RALGPS1: variants seen among roughly 807,000 people sequenced by gnomAD.
RALGPS1 encodes ras-specific guanine nucleotide-releasing factor RalGPS1.
A neutral mutation model predicts 78.8 loss-of-function variants in RALGPS1; 19 were observed. That is an observed-to-expected ratio of 0.24 (90% CI 0.17 to 0.35). The LOEUF (loss-of-function observed/expected upper bound fraction) is 0.35. Among genes scored for constraint, RALGPS1 ranks in the 10% least tolerant of loss-of-function variants. The pLI is 1.00. For missense variants in RALGPS1, 454 were observed against 688.3 expected (o/e 0.66, Z 3.81); for synonymous variants, 228 against 256.3 (o/e 0.89, Z 1.06).
chr9:127,110,315 C>T (rs925419605), intron 8 of RALGPS1, among the ~76,000 whole-genome samples: 1 of 152,158 alleles, frequency 6.6e-6, no homozygotes, highest in Non-Finnish European at 1.5e-5. Flanking sequence ...CAGTTGGGCT[C>T]CCTTCTTGAC....
chr9:127,141,616 CAAAAAAA>C (rs61291398), intron 8 of RALGPS1, among the ~76,000 whole-genome samples: 964 of 68,712 alleles, frequency 0.014, 9 homozygotes, highest in African/African-American at 0.03. Context: ...TTTTTAATGG[CAAAAAAA>C]AAAAAAAAAA....
chr9:127,104,760 G>A (rs1402823642), intron 8 of RALGPS1, among the ~76,000 whole-genome samples: 9 of 152,236 alleles, frequency 5.9e-5, no homozygotes, highest in Admixed American at 5.9e-4. Flanking sequence ...GAAGAAAAGA[G>A]CACATGGCTC....
chr9:127,060,653 T>C (rs943058464), intron 7 of RALGPS1, among the ~76,000 whole-genome samples: 14 of 152,196 alleles, frequency 9.2e-5, no homozygotes, highest in African/African-American at 3.1e-4. Flanking sequence ...CTCTTTCAGC[T>C]GGTCCCATTG....
intron 8 of RALGPS1, among the ~76,000 whole-genome samples, chr9:127,162,946 G>A (rs2139499846): frequency 6.6e-6 from 1 of 152,334 alleles, no homozygotes; most frequent in East Asian, 1.9e-4. Context: ...CCTTGGGCAG[G>A]TTTCTTAATC....
intron 14 of RALGPS1, chr9:127,210,558 A>G (rs1588583997): frequency 1.5e-6 from 1 of 646,646 alleles, no homozygotes; most frequent in South Asian, 1.8e-5. Context: ...GAGGCTGGGG[A>G]GGAGTTGGGG....
intron 7 of RALGPS1, among the ~76,000 whole-genome samples, chr9:127,062,652 G>A (rs1247792305): frequency 2.6e-5 from 4 of 152,234 alleles, no homozygotes; most frequent in Admixed American, 1.3e-4. Context: ...TTGCCTTTCC[G>A]TAGACAGGAA....
intron 8 of RALGPS1, among the ~76,000 whole-genome samples, chr9:127,070,872 A>G (rs2050134871): frequency 6.6e-6 from 1 of 151,756 alleles, no homozygotes; most frequent in African/African-American, 2.4e-5. Flanking sequence ...TTAATTAAAA[A>G]TTAATTAGAA....
At chr9:127,142,164 C>G (rs145124870) in intron 8 of RALGPS1, among the ~76,000 whole-genome samples, 48 of 152,270 alleles carry the variant, frequency 3.2e-4, no homozygotes, top group Admixed American at 1.3e-3. Flanking sequence ...CTAGATGCCT[C>G]GTCACATCAT....
rs78440054 is a variant in RALGPS1, at chr9:127,140,330, C to T, written c.611-25739C>T. Among the ~76,000 whole-genome samples, 821 of 152,324 alleles carry T rather than the reference C, an allele frequency of 5.4e-3. 24 individuals carry two copies. In the East Asian group the frequency reaches 0.085, roughly 16 times the overall value. On this transcript the variant is annotated intron_variant, in intron 8 of 18. Coordinates refer to ENST00000259351, the MANE Select transcript of RALGPS1 (RefSeq NM_014636.3). Reference sequence around the variant, plus strand: ...CCCAGACCCCAGAGCCGTCCGGGCACTTGTGTAAAATGATAGCTCTGATTA... The same window carrying T: ...CCCAGACCCCAGAGCCGTCCGGGCATTTGTGTAAAATGATAGCTCTGATTA...
At chr9:127,195,004 GC>G in intron 11 of RALGPS1, 86 bp from the exon 12 acceptor site, 2 of 1,521,912 alleles carry the variant, frequency 1.3e-6, no homozygotes, top group Non-Finnish European at 9.0e-7. Flanking sequence ...CAAACCCGGG[GC>G]CCACCTCCAC....
chr9:127,012,675 GAAGGCTGGTGTGCA>G (rs1465806648), intron 4 of RALGPS1, among the ~76,000 whole-genome samples: 5 of 152,254 alleles, frequency 3.3e-5, no homozygotes, highest in Admixed American at 6.5e-5. Context: ...GCATCTGGGG[GAAGGCTGGTGTGCA>G]AAGGGCCAGA....
At position 127,218,099 on chromosome 9, in the gene RALGPS1, T is replaced by A. The variant is rs1312741921; in HGVS notation, c.1645-641T>A. On this transcript the variant is annotated intron_variant, in intron 18 of 18. Transcript: ENST00000259351. The surrounding 1 kb of genome is among the most constrained non-coding windows in gnomAD (Gnocchi z 4.4). ...AATGAAATTATTTCTAATCAAATCC[T>A]CCCACAGCAGTGCTGAGGGAGGAGG... Among the ~76,000 whole-genome samples, 3 of 152,254 alleles carry A rather than the reference T, an allele frequency of 2.0e-5. No homozygotes were observed. The East Asian group carries it at 5.8e-4, about 29-fold the overall frequency.
At chr9:127,005,571 GT>G (rs201095428) in intron 4 of RALGPS1, among the ~76,000 whole-genome samples, 2 of 151,418 alleles carry the variant, frequency 1.3e-5, no homozygotes, top group African/African-American at 4.9e-5. Flanking sequence ...TTCTCAGGAG[GT>G]TTTTTTTTAT....
At chr9:126,980,802 G>C (rs1031104198) in intron 4 of RALGPS1, among the ~76,000 whole-genome samples, 3 of 152,176 alleles carry the variant, frequency 2.0e-5, no homozygotes, top group African/African-American at 7.2e-5. Context: ...CTCAGCCCCT[G>C]TTGCATGTGG....
intron 8 of RALGPS1, among the ~76,000 whole-genome samples, chr9:127,160,641 A>G (rs962983329): frequency 1.1e-4 from 17 of 152,174 alleles, no homozygotes; most frequent in Non-Finnish European, 2.5e-4. Context: ...AAGACAGGCC[A>G]CAGCAGGGGT....
At chr9:126,918,218 C>A (rs1313490253) in intron 1 of RALGPS1, among the ~76,000 whole-genome samples, 1 of 152,348 alleles carries the variant, frequency 6.6e-6, no homozygotes, top group East Asian at 1.9e-4. Context: ...GGTTTCATTT[C>A]ATCACACATT....
intron 1 of RALGPS1, among the ~76,000 whole-genome samples, chr9:126,951,449 AC>A (rs1273569915): frequency 6.6e-6 from 1 of 151,766 alleles, no homozygotes. Context: ...ATCCAGCAGC[AC>A]ATCAAAAAGC....
intron 8 of RALGPS1, among the ~76,000 whole-genome samples, chr9:127,153,326 A>G (rs1399481239): frequency 6.6e-6 from 1 of 150,496 alleles, no homozygotes; most frequent in Non-Finnish European, 1.5e-5. Context: ...GGGGTCTCTC[A>G]GTGGCACCTG....
chr9:127,086,122 G>A (rs2051704220), intron 8 of RALGPS1, among the ~76,000 whole-genome samples: 1 of 151,970 alleles, frequency 6.6e-6, no homozygotes, highest in South Asian at 2.1e-4. Flanking sequence ...ACGCGCACAC[G>A]GACACACACA....
Sources: gnomAD v4.1 joint callset for allele counts (sites outside exome capture counted in the v4.1 genomes callset) on GRCh38, gnomAD v4.1.1 for gene constraint, Gnocchi (gnomAD v3.1) non-coding constraint, MANE v1.5 for transcripts, NCBI Gene and HGNC (gene_info 2026-07-23, HGNC 2026-07-21) for gene names.